The following PDGFRL variants were observed in gnomAD, a reference collection of about 807,000 sequenced individuals.
PDGFRL encodes the protein platelet derived growth factor receptor like.
Under a neutral mutation model 37.2 loss-of-function variants are expected in PDGFRL, and 46 were observed. That is an observed-to-expected ratio of 1.24 (90% CI 0.98 to 1.58). The LOEUF is 1.58. Among genes scored for constraint, PDGFRL ranks in the 40% most tolerant of loss-of-function variants. The probability of loss-of-function intolerance (pLI) is 0.00; values close to 1 mark genes in which losing one functional copy is unlikely to be tolerated. For missense variants in PDGFRL, 692 were observed against 467.6 expected, an observed-to-expected ratio of 1.48 and a Z score of -4.43; for synonymous variants, 251 against 184.3, an observed-to-expected ratio of 1.36 and a Z score of -2.93.
chr8:17,628,535 A>G lies in PDGFRL; in HGVS notation c.554A>G (p.Tyr185Cys), dbSNP rs1338556212. The part of the protein sequence containing the change: ...VPSPSYFDVV[Y>C]LNPDRQAVVP... ...TCTCCCAGCTACTTCGATGTTGTCT[A>G]CTTGAACCCGGACAGACAGGCTGTG... The change falls in exon 4 of 6, where the codon TAC becomes TGC. Residue 185 changes from tyrosine (Y) to cysteine (C), a missense_variant. Physicochemically the swap from Tyr to Cys is radical, Grantham distance 194. Transcript: ENST00000251630. 2 of 1,613,954 alleles carry G rather than the reference A, an allele frequency of 1.2e-6. No individual in the cohort carries two copies. The highest frequency in any genetic ancestry group is 1.7e-6 in the Non-Finnish European group (2 of 1,179,844).
At chr8:17,577,166 G>A (rs547597559), upstream of PDGFRL, 325 of 1,542,886 alleles carry the variant, frequency 2.1e-4, 3 homozygotes, top group South Asian at 3.4e-3. Flanking sequence ...GGCGTCCCAG[G>A]AGCCCGCCCC....
chr8:17,610,673 G>T (rs1038760360), intron 2 of PDGFRL, among the ~76,000 whole-genome samples: 1 of 152,198 alleles, frequency 6.6e-6, no homozygotes, highest in Admixed American at 6.5e-5. Flanking sequence ...CACTTTGGGA[G>T]GCCAAGGTGG....
chr8:17,588,978 A>G (rs1803875193), intron 1 of PDGFRL, among the ~76,000 whole-genome samples: 1 of 152,200 alleles, frequency 6.6e-6, no homozygotes, highest in Non-Finnish European at 1.5e-5. Context: ...ATATTTTTTA[A>G]TGTTTTAAAA....
At chr8:17,576,858 C>T, upstream of PDGFRL, 1 of 253,916 alleles carries the variant, frequency 3.9e-6, no homozygotes, top group Non-Finnish European at 6.8e-6. Context: ...GTGGGGCGGG[C>T]GCTGGTAACA....
chr8:17,591,571 C>G (rs890664594), intron 2 of PDGFRL, among the ~76,000 whole-genome samples: 15 of 152,154 alleles, frequency 9.9e-5, no homozygotes, highest in African/African-American at 3.6e-4. Context: ...GATGGACTTA[C>G]AATGGAGAAA....
At chr8:17,586,913 T>G (rs1202306961) in intron 1 of PDGFRL, among the ~76,000 whole-genome samples, 4 of 152,212 alleles carry the variant, frequency 2.6e-5, no homozygotes, top group Non-Finnish European at 5.9e-5. Flanking sequence ...GCCACCTATT[T>G]CTCTATAAAT....
chr8:17,619,234 C>T (rs1259403719), intron 2 of PDGFRL, among the ~76,000 whole-genome samples: 3 of 152,140 alleles, frequency 2.0e-5, no homozygotes, highest in Admixed American at 1.3e-4. Context: ...CTTATTTTGG[C>T]GCCCCCATGT....
At chr8:17,606,894 G>GTTTTTTTT (rs1198809504) in intron 2 of PDGFRL, among the ~76,000 whole-genome samples, 8 of 123,684 alleles carry the variant, frequency 6.5e-5, no homozygotes, top group African/African-American at 2.1e-4. Context: ...TTGTTTTTTT[G>GTTTTTTTT]TTTTTTTTTT....
intron 5 of PDGFRL, among the ~76,000 whole-genome samples, chr8:17,638,677 A>C (rs1213608328): frequency 1.4e-5 from 2 of 139,958 alleles, no homozygotes; most frequent in Non-Finnish European, 1.5e-5. Context: ...GTTGCAGTCT[A>C]TCTCATTTCT....
At position 17,597,145 on chromosome 8, in the gene PDGFRL, C is replaced by T. The variant is rs144039493; in HGVS notation, c.353+7380C>T. ...AAGCAATTCTAGTGCCTCAGCCTCC[C>T]GAGTAGCTGATACTACAGGTATCTG... On this transcript the variant is annotated intron_variant, in intron 2 of 5. Coordinates refer to ENST00000251630, the MANE Select transcript of PDGFRL (RefSeq NM_001372073.1). Among the ~76,000 whole-genome samples, 753 of 152,240 alleles carry T rather than the reference C, an allele frequency of 4.9e-3. 10 individuals are homozygous for T. Among genetic ancestry groups the T allele is most frequent in the African/African-American group, 0.016 (685 of 41,550 alleles).
chr8:17,592,409 T>A (rs531386009), intron 2 of PDGFRL, among the ~76,000 whole-genome samples: 143 of 152,288 alleles, frequency 9.4e-4, no homozygotes, highest in African/African-American at 3.3e-3. Flanking sequence ...TCACTGCCGC[T>A]GGAGCAACAC....
At chr8:17,597,173 G>A (rs575008997) in intron 2 of PDGFRL, among the ~76,000 whole-genome samples, 7 of 152,184 alleles carry the variant, frequency 4.6e-5, no homozygotes, top group Admixed American at 1.3e-4. Context: ...GGTATCTGCC[G>A]CCACACCTGG....
chr8:17,614,722 G>T (rs940268826), intron 2 of PDGFRL, among the ~76,000 whole-genome samples: 1 of 152,150 alleles, frequency 6.6e-6, no homozygotes, highest in African/African-American at 2.4e-5. Flanking sequence ...GGGACTATAG[G>T]CTGGCATCGT....
At chr8:17,628,854 C>G (rs1329463905) in intron 4 of PDGFRL, 74 bp downstream of exon 4, 1 of 982,614 alleles carries the variant, frequency 1.0e-6, no homozygotes, top group African/African-American at 1.6e-5. Context: ...TCCCTGCCTG[C>G]AGATGGAATA....
In PDGFRL at chr8:17,632,169, G is replaced by A. The variant is rs1261599713; in HGVS notation, c.800-1905G>A. Reference sequence around the variant, plus strand: ...CCAAGCTAACCTCCCTCCTCCTCCCGATCCTTTCTACTTTTTTCATTAAAT... The same window carrying A: ...CCAAGCTAACCTCCCTCCTCCTCCCAATCCTTTCTACTTTTTTCATTAAAT... On this transcript the variant is annotated intron_variant, in intron 4 of 5. Transcript: ENST00000251630. 3.3e-5 allele frequency among the ~76,000 whole-genome samples: 5 copies of A among 152,044 alleles called. No individual in the cohort carries two copies. The South Asian group carries it at 1.0e-3, about 32-fold the overall frequency.
intron 2 of PDGFRL, among the ~76,000 whole-genome samples, chr8:17,601,499 T>C (rs1230523772): frequency 6.6e-6 from 1 of 151,976 alleles, no homozygotes; most frequent in African/African-American, 2.4e-5. Flanking sequence ...TGAGCGTGTA[T>C]ATGTGCAGGT....
chr8:17,617,893 C>T (rs989165675), intron 2 of PDGFRL, among the ~76,000 whole-genome samples: 1 of 152,112 alleles, frequency 6.6e-6, no homozygotes, highest in Non-Finnish European at 1.5e-5. Context: ...TTACTGATTG[C>T]CTGCTGATTT....
At chr8:17,623,418 C>T (rs181769289) in intron 3 of PDGFRL, among the ~76,000 whole-genome samples, 7 of 152,298 alleles carry the variant, frequency 4.6e-5, no homozygotes, top group Admixed American at 4.6e-4. Context: ...AAAAAGCAAC[C>T]AACTAAGATG....
At chr8:17,624,086 G>C (rs996244651) in intron 3 of PDGFRL, among the ~76,000 whole-genome samples, 1 of 152,030 alleles carries the variant, frequency 6.6e-6, no homozygotes, top group African/African-American at 2.4e-5. Context: ...ACTAAGCTAG[G>C]AGTCCAGTTG....
Sources: gnomAD v4.1 joint callset for allele counts (sites outside exome capture counted in the v4.1 genomes callset) on GRCh38, gnomAD v4.1.1 for gene constraint, MANE v1.5 for transcripts, NCBI Gene and HGNC (gene_info 2026-07-23, HGNC 2026-07-21) for gene names.